PRSS38: variants seen among roughly 807,000 people sequenced by gnomAD.
The protein encoded by PRSS38 is marapsin 2.
PRSS38 carries 22 observed loss-of-function variants against 26.8 expected under a neutral mutation model. The observed-to-expected ratio is 0.82, with a 90% CI of 0.59 to 1.17. PRSS38 has a LOEUF of 1.17. Ranked by LOEUF, PRSS38 falls within the 50% of genes most tolerant of loss-of-function variation. The pLI is 0.00. For synonymous variants in PRSS38, 175 were observed against 172.1 expected (o/e 1.02, Z -0.13); for missense variants, 427 against 422.7 (o/e 1.01, Z -0.09).
rs151061632 is a variant in PRSS38 at position 227,817,391 on chromosome 1, C to A, written c.494C>A (p.Ser165Tyr). The stretch of plus-strand genomic sequence containing the variant: ...AAGACCCGCATTGTGTTTTCTGAGT[C>A]CGTGCTCCCGGTTTGCCTTGCAACT... The change falls in exon 3 of 5, where the codon TCC (serine) becomes TAC (tyrosine). Residue 165 changes from serine to tyrosine, a missense_variant. By Grantham distance (144) the Ser-to-Tyr change is moderately radical (BLOSUM62 -2). Coordinates refer to ENST00000366757, the Ensembl canonical transcript of PRSS38. 1,186 of 1,614,170 alleles carry A rather than the reference C, an allele frequency of 7.3e-4. 18 individuals carry two copies. The African/African-American group carries it at 0.015, about 20-fold the overall frequency.
intron 3 of PRSS38, among the ~76,000 whole-genome samples, chr1:227,821,468 G>T (rs1665002539): frequency 6.6e-6 from 1 of 151,912 alleles, no homozygotes; most frequent in East Asian, 1.9e-4. Context: ...TTACTGTTTT[G>T]TGTCCTTTCT....
chr1:227,839,962 T>C (rs1429462974), intron 3 of PRSS38, among the ~76,000 whole-genome samples: 1 of 152,134 alleles, frequency 6.6e-6, no homozygotes, highest in Non-Finnish European at 1.5e-5. Context: ...TTGAGAATAT[T>C]TTGCTAGCTA....
At chr1:227,829,772 C>T (rs567041176) in intron 3 of PRSS38, among the ~76,000 whole-genome samples, 1 of 152,262 alleles carries the variant, frequency 6.6e-6, no homozygotes, top group East Asian at 1.9e-4. Flanking sequence ...AGTCTTCTTA[C>T]TTTCCAGTGT....
At chr1:227,841,682 G>A in intron 3 of PRSS38, among the ~76,000 whole-genome samples, 1 of 152,170 alleles carries the variant, frequency 6.6e-6, no homozygotes, top group Middle Eastern at 3.2e-3. Context: ...AACCAGGAAA[G>A]GGTTGACCCA....
chr1:227,827,306 G>A (rs992511796), intron 3 of PRSS38, among the ~76,000 whole-genome samples: 13 of 152,254 alleles, frequency 8.5e-5, no homozygotes, highest in Non-Finnish European at 1.3e-4. Context: ...AAATCCATCA[G>A]GTCCTGGGCT....
chr1:227,818,389 G>T (rs1476680239), intron 3 of PRSS38, among the ~76,000 whole-genome samples: 14 of 152,168 alleles, frequency 9.2e-5, no homozygotes, highest in Non-Finnish European at 1.5e-4. Context: ...CCAAGAATAG[G>T]CATTTAAGCT....
intron 3 of PRSS38, among the ~76,000 whole-genome samples, chr1:227,823,655 A>G (rs1205040352): frequency 6.6e-6 from 1 of 152,144 alleles, no homozygotes; most frequent in Admixed American, 6.5e-5. Flanking sequence ...ACTAATGTTT[A>G]AGAGCCTAAC....
intron 3 of PRSS38, among the ~76,000 whole-genome samples, chr1:227,843,878 G>T (rs1397847545): frequency 6.6e-6 from 1 of 151,998 alleles, no homozygotes; most frequent in African/African-American, 2.4e-5. Flanking sequence ...AAGTTAGCCG[G>T]GTGTGGTGGT....
chr1:227,817,098 C>T, intron 2 of PRSS38, 111 bp from the exon 3 acceptor site: 25 of 1,172,228 alleles, frequency 2.1e-5, no homozygotes, highest in Non-Finnish European at 3.0e-5. Context: ...AAGAAACTGG[C>T]TTTTCAATCC....
intron 3 of PRSS38, among the ~76,000 whole-genome samples, chr1:227,828,845 C>T (rs1035959563): frequency 2.6e-5 from 4 of 152,166 alleles, no homozygotes; most frequent in African/African-American, 7.2e-5. Context: ...CCGTGTGTGC[C>T]TGAGTGGCTA....
intron 3 of PRSS38, among the ~76,000 whole-genome samples, chr1:227,833,988 G>A (rs1665200545): frequency 6.6e-6 from 1 of 152,152 alleles, no homozygotes; most frequent in Non-Finnish European, 1.5e-5. Context: ...TGTTAGGGTG[G>A]GGCCTTGTCC....
chr1:227,825,665 G>A lies in PRSS38; in HGVS notation c.583+8185G>A, dbSNP rs551777551. On this transcript the variant is annotated intron_variant, in intron 3 of 4. Transcript: ENST00000366757. ...TTTTCCCATTGCTTGTTTTTGCCGGGTTTGTTGAAGATCAGATGATTGTAG... is the reference window on the plus strand; with the variant it reads ...TTTTCCCATTGCTTGTTTTTGCCGGATTTGTTGAAGATCAGATGATTGTAG... 5.0e-4 allele frequency among the ~76,000 whole-genome samples: 76 copies of A among 152,240 alleles called. 1 individual carries two copies. In the South Asian group the frequency reaches 0.015, roughly 30 times the overall value.
At chr1:227,815,824 A>G (rs201989204) in exon 1 of PRSS38, 7 of 1,611,924 alleles carry the variant, frequency 4.3e-6, no homozygotes, top group Non-Finnish European at 5.9e-6. Context: ...TGGTCCACAG[A>G]CAGCCAGAGA....
intron 3 of PRSS38, among the ~76,000 whole-genome samples, chr1:227,838,767 G>A (rs1373300892): frequency 6.6e-6 from 1 of 152,130 alleles, no homozygotes; most frequent in East Asian, 1.9e-4. Context: ...CTATTTCTTT[G>A]TAGTATTTCA....
rs1326429752 is a variant in PRSS38 at position 227,845,906 on chromosome 1, G to T, written c.727-48G>T. ...CCCTGGGGGACAGGTGCAGGAGGCG[G>T]CAGGCCTGGGACTCCCAGTTCACAA... is the stretch of plus-strand genomic sequence containing the variant. On this transcript the variant is annotated intron_variant, in intron 4 of 4. Coordinates refer to ENST00000366757, the Ensembl canonical transcript of PRSS38. 2.5e-6 allele frequency: 4 copies of T among 1,602,872 alleles called. No individual in the cohort carries two copies. In the Admixed American group the frequency reaches 5.0e-5, roughly 20 times the overall value.
intron 3 of PRSS38, among the ~76,000 whole-genome samples, chr1:227,842,641 G>A (rs1242033365): frequency 2.0e-5 from 3 of 151,104 alleles, no homozygotes; most frequent in African/African-American, 7.3e-5. Context: ...GTGCAATGGC[G>A]TGATCTCTGG....
chr1:227,830,533 T>A (rs1665138066), intron 3 of PRSS38, among the ~76,000 whole-genome samples: 1 of 149,728 alleles, frequency 6.7e-6, no homozygotes, highest in African/African-American at 2.5e-5. Flanking sequence ...GATGGAGTTT[T>A]GCTCTTGTCA....
At chr1:227,845,519 G>T in exon 4 of PRSS38, 1 of 1,613,436 alleles carries the variant, frequency 6.2e-7, no homozygotes, top group African/African-American at 1.3e-5. Flanking sequence ...TGATCCTGGA[G>T]CCCTGGTGCC....
At chr1:227,819,315 A>G (rs1174197803) in intron 3 of PRSS38, among the ~76,000 whole-genome samples, 1 of 152,208 alleles carries the variant, frequency 6.6e-6, no homozygotes, top group Non-Finnish European at 1.5e-5. Context: ...TTTTGAGCTG[A>G]AAATACAAAA....
Sources: allele counts gnomAD v4.1 joint callset (sites outside exome capture counted in the v4.1 genomes callset), GRCh38; gene constraint gnomAD v4.1.1; transcripts MANE v1.5; gene names NCBI Gene and HGNC (gene_info 2026-07-23, HGNC 2026-07-21).